SLC39A14: variants seen among roughly 807,000 people sequenced by gnomAD.
SLC39A14 encodes the protein metal cation symporter ZIP14.
SLC39A14 carries 19 observed loss-of-function variants against 45.5 expected under a neutral mutation model. The observed-to-expected ratio is 0.42, with a 90% confidence interval of 0.29 to 0.61. The LOEUF is 0.61. SLC39A14 is among the 20% of genes least tolerant of loss of function. SLC39A14 has a pLI of 0.22. For missense variants in SLC39A14, 447 were observed against 616.5 expected, an observed-to-expected ratio of 0.73 and a Z score of 2.91; for synonymous variants, 264 against 251.3, an observed-to-expected ratio of 1.05 and a Z score of -0.48.
chr8:22,428,427 T>G (rs1323542014), intron 8 of SLC39A14, among the ~76,000 whole-genome samples: 1 of 150,764 alleles, frequency 6.6e-6, no homozygotes, highest in Non-Finnish European at 1.5e-5. Flanking sequence ...TTTGTGTTCC[T>G]CGGTTCATAT....
intron 1 of SLC39A14, among the ~76,000 whole-genome samples, chr8:22,371,457 G>A (rs28725234): frequency 0.65 from 86,315 of 131,998 alleles, 27,593 homozygotes; most frequent in African/African-American, 0.82. Context: ...TTTTTGAGAC[G>A]GAGTCTCGCT....
intron 1 of SLC39A14, among the ~76,000 whole-genome samples, chr8:22,396,725 T>C (rs557754359): frequency 2.0e-4 from 30 of 151,368 alleles, no homozygotes; most frequent in African/African-American, 7.0e-4. Context: ...TTTTTTGCTC[T>C]TCCCCGGTAG....
chr8:22,373,362 T>A (rs1833036210), intron 1 of SLC39A14, among the ~76,000 whole-genome samples: 1 of 152,184 alleles, frequency 6.6e-6, no homozygotes, highest in African/African-American at 2.4e-5. Flanking sequence ...TTCAGGATTT[T>A]AAAATAATTA....
chr8:22,407,781 C>A (rs7332050), intron 2 of SLC39A14, among the ~76,000 whole-genome samples: 65,474 of 151,234 alleles, frequency 0.43, 15,929 homozygotes, highest in African/African-American at 0.66. Context: ...ATCATAGCTC[C>A]TTCACTGTAG....
intron 4 of SLC39A14, 75 bp from the exon 5 acceptor site, chr8:22,414,705 G>A (rs1162229546): frequency 1.4e-6 from 2 of 1,470,884 alleles, no homozygotes; most frequent in Admixed American, 4.5e-5. Context: ...CAAGGAAGTA[G>A]TTAAGAGATA....
At chr8:22,403,323 AGGCTGGAGTGCAATGGCGCGATCTT>A (rs1359191853) in intron 1 of SLC39A14, among the ~76,000 whole-genome samples, 1 of 149,610 alleles carries the variant, frequency 6.7e-6, no homozygotes, top group Non-Finnish European at 1.5e-5. Context: ...TGTGTCGCCC[AGGCTGGAGTGCAATGGCGCGATCTT>A]GGCTCACTGC....
In SLC39A14 at chr8:22,417,836, G is replaced by C. The variant is rs771699890; in HGVS notation, c.1332+1G>C. 2.5e-6 allele frequency: 4 copies of C among 1,613,198 alleles called. No individual in the cohort carries two copies. The highest frequency in any genetic ancestry group is 1.1e-5 in the South Asian group (1 of 91,032). On this transcript the variant is annotated splice_donor_variant, in intron 8 of 8. Transcript: ENST00000381237. LOFTEE classifies it high-confidence loss of function. Reference sequence around the variant, plus strand: ...CTTGTATATTTCTCTGGCTGATATGGTAAGTGTTCCACAGTTCACTGGATG... The same window carrying C: ...CTTGTATATTTCTCTGGCTGATATGCTAAGTGTTCCACAGTTCACTGGATG...
In SLC39A14 at chr8:22,390,713, C is replaced by CT. The variant is rs997252495; in HGVS notation, c.-15-13972dup. 7.3e-4 allele frequency: 107 copies of CT among 147,420 alleles called. No individual in the cohort carries two copies. The South Asian group carries it at 1.0e-2, about 14-fold the overall frequency. The allele number at this position is 147,420 out of a possible 1,614,324, so 9.1% of individuals were successfully genotyped here. A position where few individuals can be genotyped will look rare whatever the true frequency, so the allele number is the denominator to read the frequency against. ...CTGAAAGGCTTTTTAAAATTTTTAA[C>CT]TTTTTTTTTTTAACAGGGTCTCGCT... On this transcript the variant is annotated intron_variant, in intron 1 of 8. Transcript: ENST00000381237.
chr8:22,405,965 T>A (rs1023292068), intron 2 of SLC39A14, among the ~76,000 whole-genome samples: 1 of 152,178 alleles, frequency 6.6e-6, no homozygotes, highest in Non-Finnish European at 1.5e-5. Context: ...ACTGTCACGA[T>A]GGGGAGTTCA....
intron 1 of SLC39A14, among the ~76,000 whole-genome samples, chr8:22,394,327 CT>C (rs139730659): frequency 0.14 from 18,367 of 131,870 alleles, 1,059 homozygotes; most frequent in East Asian, 0.19. Context: ...TTTATTATGT[CT>C]TTTTTTTTTT....
chr8:22,427,330 G>A (rs1017283862), downstream of SLC39A14, among the ~76,000 whole-genome samples: 89 of 151,994 alleles, frequency 5.9e-4, no homozygotes, highest in African/African-American at 2.1e-3. Context: ...GTCTTCCTGC[G>A]TTTGGCTAAC....
intron 1 of SLC39A14, among the ~76,000 whole-genome samples, chr8:22,379,153 C>T (rs1035852049): frequency 2.6e-5 from 4 of 152,188 alleles, no homozygotes; most frequent in Non-Finnish European, 5.9e-5. Flanking sequence ...TGTGTGTCTG[C>T]ATGTCCAAAT....
At chr8:22,381,812 A>G (rs1329859138) in intron 1 of SLC39A14, among the ~76,000 whole-genome samples, 1 of 152,170 alleles carries the variant, frequency 6.6e-6, no homozygotes, top group Non-Finnish European at 1.5e-5. Flanking sequence ...CATATAATAA[A>G]CCAATAAAAA....
intron 5 of SLC39A14, chr8:22,415,213 T>C: frequency 3.2e-6 from 1 of 311,144 alleles, no homozygotes; most frequent in South Asian, 4.2e-5. Context: ...CTTGATACCA[T>C]GCATTCATTC....
At chr8:22,370,400 T>G (rs1347069059) in intron 1 of SLC39A14, among the ~76,000 whole-genome samples, 1 of 152,178 alleles carries the variant, frequency 6.6e-6, no homozygotes, top group East Asian at 1.9e-4. Context: ...CCCCACTATG[T>G]CAGGATAATA....
intron 8 of SLC39A14, among the ~76,000 whole-genome samples, chr8:22,428,273 G>C (rs983083941): frequency 2.6e-5 from 4 of 151,850 alleles, no homozygotes; most frequent in African/African-American, 9.7e-5. Context: ...CTCCAGCCTG[G>C]GCAACAAGAG....
chr8:22,398,628 C>A, intron 1 of SLC39A14: 1 of 741,664 alleles, frequency 1.3e-6, no homozygotes, highest in Non-Finnish European at 1.6e-6. Flanking sequence ...GTTCTCATAT[C>A]TATGCCCAAC....
chr8:22,424,150 T>C (rs1206927181), downstream of SLC39A14, among the ~76,000 whole-genome samples: 1 of 152,116 alleles, frequency 6.6e-6, no homozygotes, highest in Non-Finnish European at 1.5e-5. Flanking sequence ...AGAAGAATTG[T>C]GGTGTTTCCA....
At chr8:22,386,487 G>A (rs561990530) in intron 1 of SLC39A14, among the ~76,000 whole-genome samples, 1 of 152,194 alleles carries the variant, frequency 6.6e-6, no homozygotes, top group East Asian at 1.9e-4. Context: ...GGCTGGTCTC[G>A]AACTTCTGAC....
Sources: allele counts gnomAD v4.1 joint callset (sites outside exome capture counted in the v4.1 genomes callset), GRCh38; gene constraint gnomAD v4.1.1; transcripts MANE v1.5; gene names NCBI Gene and HGNC (gene_info 2026-07-23, HGNC 2026-07-21).